Variants in NLRC5 observed in about 807,000 individuals in gnomAD.
NLRC5 encodes NLR family CARD domain containing 5, also known as protein NLRC5.
Under a neutral mutation model 206.9 loss-of-function variants are expected in NLRC5, and 114 were observed. That is an observed-to-expected ratio of 0.55 (90% CI 0.47 to 0.64). NLRC5 has a LOEUF of 0.64. Among genes scored for constraint, NLRC5 ranks in the 30% least tolerant of loss-of-function variants. The pLI is 0.00. For synonymous variants in NLRC5, 952 were observed against 962.8 expected (o/e 0.99, Z 0.21); for missense variants, 2,008 against 2,305.5 (o/e 0.87, Z 2.64).
At chr16:57,073,464 T>TGGGGTAACTGACACTTCCAGTTTGC (rs1202714970) in intron 38 of NLRC5, among the ~76,000 whole-genome samples, 1 of 152,152 alleles carries the variant, frequency 6.6e-6, no homozygotes. Context: ...CAACTCTGGG[T>TGGGGTAACTGACACTTCCAGTTTGC]GGGGTAACTG....
At chr16:57,013,683 G>C in intron 1 of NLRC5, 1 of 854,184 alleles carries the variant, frequency 1.2e-6, no homozygotes, top group Non-Finnish European at 2.0e-6. Context: ...GAACTCACTT[G>C]CTGGTAACCT....
At chr16:57,025,335 C>G in intron 5 of NLRC5, 33 bp from the exon 6 acceptor site, 1 of 1,512,440 alleles carries the variant, frequency 6.6e-7, no homozygotes, top group Non-Finnish European at 8.8e-7. Flanking sequence ...GCCGGGGGGT[C>G]CTCTCCTCAT....
At chr16:57,011,372 C>T (rs1458597188) in intron 1 of NLRC5, among the ~76,000 whole-genome samples, 6 of 148,444 alleles carry the variant, frequency 4.0e-5, no homozygotes, top group African/African-American at 1.5e-4. Context: ...GAGATCGTGC[C>T]ACTACACTCA....
chr16:57,033,535 G>A lies in NLRC5; in HGVS notation c.2478-69G>A, dbSNP rs78435448. On this transcript the variant is annotated intron_variant, in intron 11 of 48. Coordinates refer to ENST00000688547, the MANE Select transcript of NLRC5 (RefSeq NM_001384950.1). Reference sequence around the variant, plus strand: ...AGGGTCTTCAGCCTCTAGAAGCCAAGGAAAGAGGCTTGATCCACCAGGCCC... The same window carrying A: ...AGGGTCTTCAGCCTCTAGAAGCCAAAGAAAGAGGCTTGATCCACCAGGCCC... The A allele has an allele frequency of 0.044, 65,668 of 1,504,800 alleles. 10,378 individuals are homozygous for A. The East Asian group carries it at 0.55, about 13-fold the overall frequency. 93.2% of individuals were successfully genotyped at this position (1,504,800 alleles called of 1,614,324 possible).
intron 32 of NLRC5, among the ~76,000 whole-genome samples, chr16:57,063,901 AC>A (rs2066817005): frequency 2.0e-5 from 3 of 150,872 alleles, no homozygotes; most frequent in Non-Finnish European, 4.4e-5. Flanking sequence ...ACCACGCCTG[AC>A]TAATGTTTTG....
chr16:57,079,686 G>T (rs1450248031), intron 46 of NLRC5, 57 bp downstream of exon 46: 2 of 1,477,486 alleles, frequency 1.4e-6, no homozygotes, highest in South Asian at 2.3e-5. Flanking sequence ...GGGAGGGGTC[G>T]GGGGAGTTGG....
chr16:57,068,693 T>C (rs2067319629), intron 36 of NLRC5, among the ~76,000 whole-genome samples: 1 of 152,242 alleles, frequency 6.6e-6, no homozygotes, highest in Non-Finnish European at 1.5e-5. Context: ...ACTACTATTA[T>C]CTCAACTACA....
intron 38 of NLRC5, among the ~76,000 whole-genome samples, chr16:57,072,816 AT>A (rs1230339627): frequency 3.3e-5 from 5 of 151,756 alleles, no homozygotes; most frequent in East Asian, 1.9e-4. Context: ...TTTTCTCCAG[AT>A]TTTTTTTTCT....
chr16:57,032,304 G>A (rs1188193230), intron 11 of NLRC5, among the ~76,000 whole-genome samples: 8 of 151,958 alleles, frequency 5.3e-5, no homozygotes, highest in African/African-American at 1.4e-4. Context: ...AGATGCTGAC[G>A]TTGGGAGGAT....
At chr16:57,051,890 A>G (rs1306924297) in intron 24 of NLRC5, among the ~76,000 whole-genome samples, 1 of 152,114 alleles carries the variant, frequency 6.6e-6, no homozygotes, top group East Asian at 1.9e-4. Flanking sequence ...TCCTCATCTG[A>G]CAAATGGGAT....
At chr16:57,065,662 A>T (rs1291430369) in intron 33 of NLRC5, among the ~76,000 whole-genome samples, 6 of 152,224 alleles carry the variant, frequency 3.9e-5, no homozygotes, top group African/African-American at 1.4e-4. Context: ...AGCTTATAGC[A>T]AAGGTTTTAG....
At chr16:57,037,392 GC>G in intron 15 of NLRC5, 108 bp downstream of exon 15, 1 of 993,510 alleles carries the variant, frequency 1.0e-6, no homozygotes. Context: ...AGAAGATGCT[GC>G]TGCTGTCCCA....
chr16:57,025,363 T>A lies in NLRC5; in HGVS notation c.425-5T>A. 1 of 1,531,724 alleles carries A rather than the reference T, an allele frequency of 6.5e-7. No individual in the cohort carries two copies. The highest frequency in any genetic ancestry group is 8.8e-7 in the Non-Finnish European group (1 of 1,140,554). The allele number at this position is 1,531,724 out of a possible 1,614,324, so 94.9% of individuals were successfully genotyped here. The stretch of plus-strand genomic sequence containing the variant: ...CTCCTCATGCCATGTCCCTGCCCCT[T>A]GCAGAGTTGGCCAAGAAGTACCTGC... On this transcript the variant is annotated splice_region_variant and splice_polypyrimidine_tract_variant and intron_variant, in intron 5 of 48. Coordinates refer to ENST00000688547, the MANE Select transcript of NLRC5 (RefSeq NM_001384950.1).
intron 4 of NLRC5, among the ~76,000 whole-genome samples, chr16:57,022,724 G>A (rs749297673): frequency 6.6e-6 from 1 of 152,242 alleles, no homozygotes; most frequent in Non-Finnish European, 1.5e-5. Context: ...GTCTTCAGCG[G>A]GGGAGCCTTT....
chr16:57,043,813 A>G, intron 20 of NLRC5: 1 of 595,162 alleles, frequency 1.7e-6, no homozygotes, highest in Non-Finnish European at 3.0e-6. Flanking sequence ...CGGATGCTCA[A>G]ATTTCTCCAA....
rs533270883 is a variant in NLRC5, at chr16:57,064,690, G to A, written c.4155-522G>A. Among the ~76,000 whole-genome samples the A allele has an allele frequency of 1.4e-4, 21 of 152,268 alleles. No homozygotes were observed. In the East Asian group the frequency reaches 1.9e-3, roughly 14 times the overall value. On this transcript the variant is annotated intron_variant, in intron 32 of 48. Transcript: ENST00000688547. ...TGTAATCCCAGCACTTTGGGAGGCC[G>A]AGGCAGGTGGATCACTTGAGGTCAG...
At chr16:57,058,036 TCCC>T in intron 27 of NLRC5, 26 bp from the exon 28 acceptor site, 2 of 1,583,416 alleles carry the variant, frequency 1.3e-6, no homozygotes, top group South Asian at 2.2e-5. Flanking sequence ...GCACCTCTGA[TCCC>T]CGCCACTGCT....
rs761754485 is a variant in NLRC5, at chr16:57,043,564, T to C, written c.3163T>C (p.Cys1055Arg). ...SLDAVLGLVRCFSTLQWLFRL... is the reference protein window; with the variant it reads ...SLDAVLGLVRRFSTLQWLFRL... ...GGATGCCGTGTTGGGTTTGGTTCGGTGCTTCTCCACTCTGCAGTGGCTCTT... is the reference window on the plus strand; with the variant it reads ...GGATGCCGTGTTGGGTTTGGTTCGGCGCTTCTCCACTCTGCAGTGGCTCTT... The change falls in exon 20 of 49, where the codon TGC becomes CGC. Residue 1055 changes from cysteine (C) to arginine (R), a missense_variant. Cys to Arg is a radical substitution (Grantham distance 180, BLOSUM62 -3). Transcript: ENST00000688547. 1 of 1,614,116 alleles carries C rather than the reference T, an allele frequency of 6.2e-7. No individual in the cohort carries two copies. The highest frequency in any genetic ancestry group is 8.5e-7 in the Non-Finnish European group (1 of 1,180,018).
At chr16:57,041,876 C>A in intron 18 of NLRC5, 106 bp from the exon 19 acceptor site, 2 of 761,524 alleles carry the variant, frequency 2.6e-6, no homozygotes, top group Non-Finnish European at 4.2e-6. Flanking sequence ...CAGCCCAGGG[C>A]TGTGTCCAGT....
Sources: allele counts gnomAD v4.1 joint callset (sites outside exome capture counted in the v4.1 genomes callset), GRCh38; gene constraint gnomAD v4.1.1; transcripts MANE v1.5; gene names NCBI Gene and HGNC (gene_info 2026-07-23, HGNC 2026-07-21).